PAPPA2: variants seen among roughly 807,000 people sequenced by gnomAD.
The protein encoded by PAPPA2 is pappalysin 2.
In PAPPA2, 86 loss-of-function variants were observed where a neutral mutation model predicts 176.4. That is an observed-to-expected ratio of 0.49 (90% CI 0.41 to 0.58). PAPPA2 has a LOEUF of 0.58. Ranked by LOEUF, PAPPA2 falls within the 20% of genes least tolerant of loss-of-function variation. The probability of loss-of-function intolerance (pLI) is 0.00; values close to 1 mark genes in which losing one functional copy is unlikely to be tolerated. For missense variants in PAPPA2, 2,073 were observed against 2,256.9 expected, an observed-to-expected ratio of 0.92 and a Z score of 1.65; for synonymous variants, 809 against 852.2, an observed-to-expected ratio of 0.95 and a Z score of 0.88.
intron 12 of PAPPA2, among the ~76,000 whole-genome samples, chr1:176,713,600 G>A (rs920128568): frequency 1.3e-5 from 2 of 151,942 alleles, no homozygotes; most frequent in African/African-American, 4.8e-5. Context: ...AACTAGGCTG[G>A]GCTTATGACC....
intron 14 of PAPPA2, among the ~76,000 whole-genome samples, chr1:176,763,626 T>C (rs1486708601): frequency 6.6e-6 from 1 of 152,194 alleles, no homozygotes; most frequent in African/African-American, 2.4e-5. Context: ...CTCTTCAGAG[T>C]GTCCATAATC....
chr1:176,770,864 T>A (rs979440940), intron 16 of PAPPA2, 103 bp from the exon 17 acceptor site: 23 of 1,071,624 alleles, frequency 2.1e-5, no homozygotes, highest in Non-Finnish European at 3.2e-5. Flanking sequence ...AATATGACTT[T>A]TGAAAGGCAC....
intron 3 of PAPPA2, among the ~76,000 whole-genome samples, chr1:176,652,629 A>G (rs993155991): frequency 1.1e-4 from 16 of 151,536 alleles, no homozygotes; most frequent in Admixed American, 7.9e-4. Context: ...AGGGCTGGGG[A>G]TGGTAGTTTC....
intron 3 of PAPPA2, among the ~76,000 whole-genome samples, chr1:176,641,511 G>A (rs996343530): frequency 9.3e-5 from 14 of 150,962 alleles, no homozygotes; most frequent in South Asian, 4.2e-4. Context: ...GATATGCGGC[G>A]TTATTTCTGA....
intron 1 of PAPPA2, among the ~76,000 whole-genome samples, chr1:176,522,974 C>T (rs1649290376): frequency 6.6e-6 from 1 of 152,060 alleles, no homozygotes; most frequent in South Asian, 2.1e-4. Flanking sequence ...CATGAAGGAT[C>T]CACTTTTATT....
At chr1:176,756,122 C>G (rs1301003148) in intron 14 of PAPPA2, among the ~76,000 whole-genome samples, 1 of 152,076 alleles carries the variant, frequency 6.6e-6, no homozygotes, top group Non-Finnish European at 1.5e-5. Flanking sequence ...TCACGCCCAG[C>G]TAATTTTGTA....
At position 176,570,242 on chromosome 1, in the gene PAPPA2, G is replaced by A. The variant is rs576033304; in HGVS notation, c.919+13001G>A. On this transcript the variant is annotated intron_variant, in intron 2 of 22. Transcript: ENST00000367662. ...TGCTTCCGTTCCAAGTCTCTCCAGCGTTTGCACCTTCTCCGGCCCTTTGAA... is the reference window on the plus strand; with the variant it reads ...TGCTTCCGTTCCAAGTCTCTCCAGCATTTGCACCTTCTCCGGCCCTTTGAA... Among the ~76,000 whole-genome samples the A allele has an allele frequency of 1.9e-4, 29 of 152,262 alleles. No homozygotes were observed. The South Asian group carries it at 3.7e-3, about 20-fold the overall frequency.
rs180674251 is a variant in PAPPA2, at chr1:176,567,672, T to C, written c.919+10431T>C. 2.0e-5 allele frequency among the ~76,000 whole-genome samples: 3 copies of C among 152,288 alleles called. No individual in the cohort carries two copies. In the East Asian group the frequency reaches 5.8e-4, roughly 29 times the overall value. On this transcript the variant is annotated intron_variant, in intron 2 of 22. Coordinates refer to ENST00000367662, the MANE Select transcript of PAPPA2 (RefSeq NM_020318.3). Reference sequence around the variant, plus strand: ...GCTCAGAATTTAGGCCTGTAAACTGTAAACGGATTATTAAATTTGTTTTAA... The same window carrying C: ...GCTCAGAATTTAGGCCTGTAAACTGCAAACGGATTATTAAATTTGTTTTAA...
chr1:176,532,560 A>G (rs1649871258), intron 1 of PAPPA2, among the ~76,000 whole-genome samples: 1 of 152,202 alleles, frequency 6.6e-6, no homozygotes, highest in Admixed American at 6.5e-5. Flanking sequence ...TGGGTAACAA[A>G]TGTGTGCCAG....
intron 17 of PAPPA2, among the ~76,000 whole-genome samples, chr1:176,774,572 TC>T (rs1664369664): frequency 6.6e-6 from 1 of 152,180 alleles, no homozygotes; most frequent in Non-Finnish European, 1.5e-5. Flanking sequence ...CTTGTTTCTC[TC>T]CATCCCTGCT....
intron 6 of PAPPA2, among the ~76,000 whole-genome samples, chr1:176,693,533 C>T (rs561633747): frequency 7.5e-4 from 114 of 152,332 alleles, no homozygotes; most frequent in African/African-American, 2.4e-3. Context: ...AGCAAGTTTC[C>T]GTGCCCTTCA....
intron 1 of PAPPA2, among the ~76,000 whole-genome samples, chr1:176,523,855 A>T (rs1052981101): frequency 6.6e-6 from 1 of 152,222 alleles, no homozygotes; most frequent in Non-Finnish European, 1.5e-5. Flanking sequence ...TCCCTGTAGA[A>T]TTACATCCCC....
chr1:176,716,276 C>T (rs561668548), intron 12 of PAPPA2, among the ~76,000 whole-genome samples: 19 of 143,108 alleles, frequency 1.3e-4, no homozygotes, highest in Non-Finnish European at 2.3e-4. Flanking sequence ...ATCTTGCTCT[C>T]GCCCTGTCAC....
rs1192708882 is a variant in PAPPA2 at position 176,777,800 on chromosome 1, A to T, written c.4715+6620A>T. Among the ~76,000 whole-genome samples the T allele has an allele frequency of 2.6e-5, 4 of 152,104 alleles. No individual in the cohort carries two copies. The South Asian group carries it at 8.3e-4, about 31-fold the overall frequency. On this transcript the variant is annotated intron_variant, in intron 17 of 22. Coordinates refer to ENST00000367662, the MANE Select transcript of PAPPA2 (RefSeq NM_020318.3). ...TTTTGGTCATATTAAGCTTCAGTTC[A>T]TCAACACTGCTGCTGTTTATCATCA... is the stretch of plus-strand genomic sequence containing the variant.
chr1:176,570,137 G>T (rs919960328), intron 2 of PAPPA2, among the ~76,000 whole-genome samples: 1 of 152,126 alleles, frequency 6.6e-6, no homozygotes. Context: ...TCCCGTGGGC[G>T]GGAGGAAGAG....
At position 176,770,976 on chromosome 1, in the gene PAPPA2, C is replaced by T. The variant is rs1239506845; in HGVS notation, c.4511C>T (p.Pro1504Leu). 18 of 1,613,802 alleles carry T rather than the reference C, an allele frequency of 1.1e-5. No individual in the cohort carries two copies. Among genetic ancestry groups the T allele is most frequent in the Non-Finnish European group, 1.4e-5 (16 of 1,179,978 alleles). Residue 1504 changes from proline (P) to leucine (L), a missense_variant, in exon 17 of 23, where the codon CCA becomes CTA. By Grantham distance (98) the Pro-to-Leu change is moderately conservative. Coordinates refer to ENST00000367662, the MANE Select transcript of PAPPA2 (RefSeq NM_020318.3). ...TCTTTCCTGGAGTCAGGACTGAGCC[C>T]ATGGCTGACATGTCTTGAAGATGGT... ...VPPAKLQGLS[P>L]WLTCLEDGLW...
At chr1:176,606,062 A>C (rs181687241) in intron 3 of PAPPA2, among the ~76,000 whole-genome samples, 31 of 151,662 alleles carry the variant, frequency 2.0e-4, no homozygotes, top group East Asian at 9.7e-4. Flanking sequence ...TATATATAAT[A>C]TTTTATATAT....
intron 12 of PAPPA2, among the ~76,000 whole-genome samples, chr1:176,712,673 G>A (rs1003683702): frequency 6.6e-6 from 1 of 152,118 alleles, no homozygotes; most frequent in Non-Finnish European, 1.5e-5. Flanking sequence ...GTACATTTTT[G>A]TGGTGAACGT....
chr1:176,539,863 T>A (rs1650276942), intron 1 of PAPPA2, among the ~76,000 whole-genome samples: 1 of 152,248 alleles, frequency 6.6e-6, no homozygotes, highest in Non-Finnish European at 1.5e-5. Context: ...ATGCATTGCT[T>A]TCAGGTCTAG....
Sources: allele counts gnomAD v4.1 joint callset (sites outside exome capture counted in the v4.1 genomes callset), GRCh38; gene constraint gnomAD v4.1.1; transcripts MANE v1.5; gene names NCBI Gene and HGNC (gene_info 2026-07-23, HGNC 2026-07-21).